The following TENM3 variants were observed in gnomAD, a reference collection of about 807,000 sequenced individuals.
TENM3 encodes teneurin-3.
TENM3 carries 63 observed loss-of-function variants against 255.1 expected under a neutral mutation model. The observed-to-expected ratio is 0.25, with a 90% CI of 0.20 to 0.30. The LOEUF is 0.30. TENM3 is among the 10% of genes least tolerant of loss of function. The pLI is 1.00. For synonymous variants in TENM3, 1,306 were observed against 1,322.3 expected, an observed-to-expected ratio of 0.99 and a Z score of 0.27; for missense variants, 2,929 against 3,461.1, an observed-to-expected ratio of 0.85 and a Z score of 3.86.
chr4:182,727,954 A>G (rs1486519665), intron 13 of TENM3, among the ~76,000 whole-genome samples: 3 of 148,998 alleles, frequency 2.0e-5, no homozygotes, highest in East Asian at 2.0e-4. Flanking sequence ...TCTGCCTCCC[A>G]GGTTCAAGTG....
At chr4:181,667,218 G>T in the TENM3 span, among the ~76,000 whole-genome samples, 1 of 152,068 alleles carries the variant, frequency 6.6e-6, no homozygotes, top group African/African-American at 2.4e-5. Flanking sequence ...CACTGATGAG[G>T]TATCCGTCCA....
the TENM3 span, among the ~76,000 whole-genome samples, chr4:182,121,750 C>A: frequency 6.6e-6 from 1 of 152,262 alleles, no homozygotes; most frequent in Middle Eastern, 3.4e-3. Context: ...GTGTTCATGG[C>A]TACTGATTAA....
At chr4:182,431,386 C>G (rs182619073) in intron 3 of TENM3, among the ~76,000 whole-genome samples, 2 of 151,902 alleles carry the variant, frequency 1.3e-5, no homozygotes, top group Non-Finnish European at 2.9e-5. Flanking sequence ...CCCAGCTACT[C>G]AGGAGGCTGA....
At chr4:182,518,893 G>C (rs189475703) in intron 3 of TENM3, among the ~76,000 whole-genome samples, 2 of 152,112 alleles carry the variant, frequency 1.3e-5, no homozygotes, top group African/African-American at 4.8e-5. Context: ...ACCTATTAAG[G>C]AAAACAACTA....
chr4:182,627,730 A>G (rs1293385994), intron 4 of TENM3, among the ~76,000 whole-genome samples: 2 of 151,874 alleles, frequency 1.3e-5, no homozygotes, highest in Non-Finnish European at 2.9e-5. Context: ...TGCTTTTTTA[A>G]AATTTGGAGA....
chr4:181,487,991 C>T, the TENM3 span, among the ~76,000 whole-genome samples: 1 of 152,152 alleles, frequency 6.6e-6, no homozygotes, highest in Non-Finnish European at 1.5e-5. Flanking sequence ...TAGTTCCAAC[C>T]AAATGAGACC....
At chr4:181,677,879 A>G in the TENM3 span, among the ~76,000 whole-genome samples, 1 of 152,100 alleles carries the variant, frequency 6.6e-6, no homozygotes, top group African/African-American at 2.4e-5. Flanking sequence ...TTACACAGGA[A>G]TCTTCACATA....
chr4:182,647,261 C>G (rs1456346085), intron 5 of TENM3, among the ~76,000 whole-genome samples: 1 of 152,190 alleles, frequency 6.6e-6, no homozygotes, highest in Non-Finnish European at 1.5e-5. Flanking sequence ...AATTTATCGT[C>G]TTACACATTT....
At chr4:182,784,981 T>G (rs1009002119) in intron 24 of TENM3, among the ~76,000 whole-genome samples, 5 of 152,152 alleles carry the variant, frequency 3.3e-5, no homozygotes, top group Non-Finnish European at 7.4e-5. Flanking sequence ...ATGAACCCGG[T>G]ACCTCAGATG....
the TENM3 span, among the ~76,000 whole-genome samples, chr4:181,492,724 G>A: frequency 3.5e-4 from 53 of 152,176 alleles, no homozygotes; most frequent in African/African-American, 1.2e-3. Flanking sequence ...ACAAGTTTCG[G>A]TGTTATCACA....
the TENM3 span, among the ~76,000 whole-genome samples, chr4:182,054,805 T>C: frequency 3.9e-5 from 6 of 151,954 alleles, no homozygotes; most frequent in Non-Finnish European, 8.8e-5. Context: ...AAAATAAAAA[T>C]TTTTTAATTA....
intron 1 of TENM3, among the ~76,000 whole-genome samples, chr4:182,219,775 T>C (rs1208346931): frequency 6.6e-6 from 1 of 152,228 alleles, no homozygotes. Flanking sequence ...TCAGTTTACA[T>C]TGCAAACTCA....
intron 1 of TENM3, among the ~76,000 whole-genome samples, chr4:182,156,180 C>T (rs920238988): frequency 2.0e-5 from 3 of 151,970 alleles, no homozygotes; most frequent in Non-Finnish European, 4.4e-5. Context: ...CAGTGGTTAT[C>T]AGGAAGAACT....
chr4:182,615,906 T>C (rs1469202755), intron 4 of TENM3, among the ~76,000 whole-genome samples: 1 of 152,210 alleles, frequency 6.6e-6, no homozygotes, highest in Non-Finnish European at 1.5e-5. Flanking sequence ...TGATTTGTTA[T>C]ACAGTCTTGA....
At chr4:181,906,163 ATG>A in the TENM3 span, 297 of 262,354 alleles carry the variant, frequency 1.1e-3, 4 homozygotes, top group Non-Finnish European at 3.1e-4. Context: ...GCAGCCATCA[ATG>A]TGATTCTATT....
At chr4:182,478,462 ATAAT>A (rs1366615565) in intron 3 of TENM3, among the ~76,000 whole-genome samples, 1 of 151,218 alleles carries the variant, frequency 6.6e-6, no homozygotes, top group Admixed American at 6.6e-5. Flanking sequence ...TTTTTTTTTA[ATAAT>A]TAATCTCCTG....
chr4:181,566,092 T>A, the TENM3 span, among the ~76,000 whole-genome samples: 1 of 39,110 alleles, frequency 2.6e-5, no homozygotes, highest in Non-Finnish European at 5.5e-5. Flanking sequence ...TTATAGATGT[T>A]TGGCGAAGAA....
At chr4:181,472,016 G>A in the TENM3 span, among the ~76,000 whole-genome samples, 1 of 152,022 alleles carries the variant, frequency 6.6e-6, no homozygotes, top group Admixed American at 6.6e-5. Flanking sequence ...CAGGTGTAGG[G>A]CAGGACACTT....
chr4:181,591,295 G>A, the TENM3 span, among the ~76,000 whole-genome samples: 2 of 152,296 alleles, frequency 1.3e-5, no homozygotes, highest in African/African-American at 4.8e-5. Context: ...AATAGTATGT[G>A]CACTTTGGAA....
Sources: allele counts gnomAD v4.1 joint callset (sites outside exome capture counted in the v4.1 genomes callset), GRCh38; gene constraint gnomAD v4.1.1; transcripts MANE v1.5; gene names NCBI Gene and HGNC (gene_info 2026-07-23, HGNC 2026-07-21).